The following AKAP6 variants were observed in gnomAD, a reference collection of about 807,000 sequenced individuals.
AKAP6 encodes A-kinase anchor protein 6.
Under a neutral mutation model 188.5 loss-of-function variants are expected in AKAP6, and 58 were observed. The ratio of observed to expected loss-of-function variants is 0.31; its 90% CI spans 0.25 to 0.38. The LOEUF is 0.38. AKAP6 is among the 10% of genes least tolerant of loss of function. The pLI is 1.00. For synonymous variants in AKAP6, 989 were observed against 998.6 expected (o/e 0.99, Z 0.18); for missense variants, 2,710 against 2,740.0 (o/e 0.99, Z 0.24).
intron 11 of AKAP6, among the ~76,000 whole-genome samples, chr14:32,751,013 C>A (rs909409063): frequency 6.6e-6 from 1 of 152,050 alleles, no homozygotes; most frequent in African/African-American, 2.4e-5. Context: ...GGATTACAGG[C>A]GTGAGCCACC....
chr14:32,690,275 C>T (rs902381338), intron 8 of AKAP6, among the ~76,000 whole-genome samples: 3 of 152,146 alleles, frequency 2.0e-5, no homozygotes, highest in Non-Finnish European at 4.4e-5. Flanking sequence ...TATATTCACA[C>T]ACACACACCT....
At chr14:32,745,839 C>T (rs2031885655) in intron 11 of AKAP6, among the ~76,000 whole-genome samples, 1 of 152,146 alleles carries the variant, frequency 6.6e-6, no homozygotes, top group African/African-American at 2.4e-5. Flanking sequence ...TAGAAGTCTA[C>T]CAGGTGTTCT....
intron 1 of AKAP6, among the ~76,000 whole-genome samples, chr14:32,330,326 G>GT (rs1200885127): frequency 6.6e-6 from 1 of 151,926 alleles, no homozygotes; most frequent in East Asian, 1.9e-4. Flanking sequence ...CTCTAAACAC[G>GT]TATCATTTTC....
intron 1 of AKAP6, among the ~76,000 whole-genome samples, chr14:32,367,904 T>C (rs1276520972): frequency 6.6e-6 from 1 of 152,238 alleles, no homozygotes; most frequent in Non-Finnish European, 1.5e-5. Flanking sequence ...GTTTGGCCTA[T>C]TATGAATGCT....
chr14:32,669,083 T>C (rs768934086), intron 7 of AKAP6, among the ~76,000 whole-genome samples: 2 of 152,188 alleles, frequency 1.3e-5, no homozygotes, highest in African/African-American at 2.4e-5. Flanking sequence ...TTATGTAGTA[T>C]AGTTTTTCTG....
chr14:32,370,190 T>C (rs1340228189), intron 1 of AKAP6, among the ~76,000 whole-genome samples: 2 of 152,184 alleles, frequency 1.3e-5, no homozygotes, highest in Non-Finnish European at 1.5e-5. Context: ...CTGCCATCTG[T>C]CAAGAGGAGA....
At chr14:32,467,389 G>C (rs1878524716) in intron 2 of AKAP6, among the ~76,000 whole-genome samples, 1 of 151,966 alleles carries the variant, frequency 6.6e-6, no homozygotes, top group African/African-American at 2.4e-5. Context: ...CTGGGTGTTG[G>C]GTACATGGGA....
chr14:32,570,249 G>T (rs2139240089), intron 4 of AKAP6, among the ~76,000 whole-genome samples: 1 of 147,838 alleles, frequency 6.8e-6, no homozygotes, highest in South Asian at 2.2e-4. Context: ...TCGTGCCTCA[G>T]CCTCCTAAGT....
Position 32,824,348 on chromosome 14 carries a change from T to G in AKAP6, c.6535T>G (p.Ser2179Ala). ...TTTCTCTAGTGCTCCTCCAAATGAA[T>G]CTGCAGTTCCCAGCGAAGCTGCAAT... Reference protein sequence around the residue: ...PCFSSAPPNESAVPSEAAMPL... With the variant: ...PCFSSAPPNEAAVPSEAAMPL... Residue 2179 changes from serine to alanine, a missense_variant, in exon 13 of 14, where the codon TCT becomes GCT. By Grantham distance (99) the Ser-to-Ala change is moderately conservative. Transcript: ENST00000280979. 6.2e-7 allele frequency: 1 copy of G among 1,613,894 alleles called. No homozygotes were observed. The highest frequency in any genetic ancestry group is 8.5e-7 in the Non-Finnish European group (1 of 1,179,944).
In AKAP6 at chr14:32,426,213, TTTTG is replaced by T. The variant is rs199512113; in HGVS notation, c.-34-7235_-34-7232del. On this transcript the variant is annotated intron_variant, in intron 1 of 13. Transcript: ENST00000280979. ...TGACACCCCTGGGGCCTTACTGGGC[TTTTG>T]TTTGTTTGTTTTTGCCCTTCATGTA... Among the ~76,000 whole-genome samples the T allele has an allele frequency of 8.4e-4, 128 of 152,224 alleles. 2 individuals are homozygous for T. In the East Asian group the frequency reaches 0.021, roughly 25 times the overall value.
chr14:32,790,729 T>TA (rs2033582612), intron 12 of AKAP6, among the ~76,000 whole-genome samples: 1 of 152,114 alleles, frequency 6.6e-6, no homozygotes, highest in Non-Finnish European at 1.5e-5. Context: ...TTTAAGCCCC[T>TA]CATGCATTAG....
chr14:32,610,602 A>G (rs1886312601), intron 7 of AKAP6, among the ~76,000 whole-genome samples: 1 of 152,158 alleles, frequency 6.6e-6, no homozygotes, highest in South Asian at 2.1e-4. Context: ...TGGGAGAGGG[A>G]ACGTTATTTC....
Position 32,831,356 on chromosome 14 carries a change from A to G in AKAP6, c.*1551A>G, listed in dbSNP as rs2140172778. The G allele has an allele frequency of 6.6e-6, 1 of 152,348 alleles. No homozygotes were observed. The allele number at this position is 152,348 out of a possible 1,614,324, so 9.4% of individuals were successfully genotyped here. ...AAAATTTACTGAATTAAAGGATTAA[A>G]TTAGGTGACATGGTGACATCTATCC... On this transcript the variant is annotated 3_prime_UTR_variant, in exon 14 of 14. Transcript: ENST00000280979.
At chr14:32,516,998 C>T (rs777307201) in intron 2 of AKAP6, among the ~76,000 whole-genome samples, 47 of 152,224 alleles carry the variant, frequency 3.1e-4, no homozygotes, top group Middle Eastern at 3.4e-3. Flanking sequence ...TGAAGGAGAT[C>T]CCACTGGCCA....
At chr14:32,571,840 G>T (rs1405829408) in intron 4 of AKAP6, among the ~76,000 whole-genome samples, 1 of 152,128 alleles carries the variant, frequency 6.6e-6, no homozygotes, top group Non-Finnish European at 1.5e-5. Context: ...ATTGAGCACT[G>T]GTAGAATGGG....
chr14:32,451,480 A>T (rs2138777171), intron 2 of AKAP6, among the ~76,000 whole-genome samples: 1 of 152,320 alleles, frequency 6.6e-6, no homozygotes, highest in South Asian at 2.1e-4. Flanking sequence ...TTGCCAAATT[A>T]GCATAGTTAT....
At chr14:32,717,377 C>T (rs1269254653) in intron 9 of AKAP6, among the ~76,000 whole-genome samples, 1 of 152,074 alleles carries the variant, frequency 6.6e-6, no homozygotes, top group African/African-American at 2.4e-5. Flanking sequence ...TTCACTAAGA[C>T]CTTTTCTCCA....
intron 7 of AKAP6, among the ~76,000 whole-genome samples, chr14:32,668,065 G>A (rs67365238): frequency 0.24 from 35,926 of 151,914 alleles, 5,235 homozygotes; most frequent in South Asian, 0.37. Context: ...TTAGAAGATG[G>A]GAGTAAGGAT....
chr14:32,761,508 A>G (rs994899887), intron 11 of AKAP6, among the ~76,000 whole-genome samples: 1 of 152,146 alleles, frequency 6.6e-6, no homozygotes, highest in African/African-American at 2.4e-5. Context: ...AGAATAGCCA[A>G]CTACGTATGG....
Sources: allele counts gnomAD v4.1 joint callset (sites outside exome capture counted in the v4.1 genomes callset), GRCh38; gene constraint gnomAD v4.1.1; transcripts MANE v1.5; gene names NCBI Gene and HGNC (gene_info 2026-07-23, HGNC 2026-07-21).